Variants in JAM2 observed in about 807,000 individuals in gnomAD.
JAM2 encodes junctional adhesion molecule 2.
Under a neutral mutation model 42.0 loss-of-function variants are expected in JAM2, and 17 were observed. That is an observed-to-expected ratio of 0.40 (90% CI 0.28 to 0.61). The LOEUF (loss-of-function observed/expected upper bound fraction) is 0.61, where lower values mean the gene tolerates loss of function less well. Among genes scored for constraint, JAM2 ranks in the 20% least tolerant of loss-of-function variants. The pLI is 0.37. For synonymous variants in JAM2, 118 were observed against 128.6 expected, an observed-to-expected ratio of 0.92 and a Z score of 0.56; for missense variants, 319 against 358.3, an observed-to-expected ratio of 0.89 and a Z score of 0.89.
At chr21:25,708,953 A>G (rs978362381) in intron 7 of JAM2, among the ~76,000 whole-genome samples, 4 of 152,122 alleles carry the variant, frequency 2.6e-5, no homozygotes, top group African/African-American at 4.8e-5. Context: ...CTATCTGTGG[A>G]CCAAATCTGC....
At chr21:25,640,815 T>C (rs79345370) in intron 1 of JAM2, among the ~76,000 whole-genome samples, 16 of 151,414 alleles carry the variant, frequency 1.1e-4, no homozygotes, top group Non-Finnish European at 1.2e-4. Context: ...TCTTCTTTCT[T>C]TCTCTCTCTC....
chr21:25,694,699 T>A (rs1042896126), intron 4 of JAM2, among the ~76,000 whole-genome samples: 2 of 151,858 alleles, frequency 1.3e-5, no homozygotes, highest in African/African-American at 4.8e-5. Context: ...AAAAAGCCAT[T>A]TGTGTTGTTA....
intron 1 of JAM2, among the ~76,000 whole-genome samples, chr21:25,676,608 C>T (rs1405166844): frequency 6.6e-6 from 1 of 152,136 alleles, no homozygotes; most frequent in Non-Finnish European, 1.5e-5. Flanking sequence ...TGAACTTCTG[C>T]CAGTGCTTTT....
intron 1 of JAM2, among the ~76,000 whole-genome samples, chr21:25,675,171 A>G (rs2033454309): frequency 6.6e-6 from 1 of 152,014 alleles, no homozygotes; most frequent in Non-Finnish European, 1.5e-5. Flanking sequence ...ACATGGTGTG[A>G]GCTAGAGCAA....
chr21:25,668,233 A>C (rs1279699118), intron 1 of JAM2, among the ~76,000 whole-genome samples: 1 of 152,184 alleles, frequency 6.6e-6, no homozygotes, highest in African/African-American at 2.4e-5. Context: ...TTCCCCTTCT[A>C]CTCTGGGGAA....
chr21:25,646,301 T>G (rs2032609225), intron 1 of JAM2, among the ~76,000 whole-genome samples: 1 of 152,204 alleles, frequency 6.6e-6, no homozygotes, highest in South Asian at 2.1e-4. Flanking sequence ...AGGAAAAAAT[T>G]TTTTAATCAT....
chr21:25,708,020 T>C (rs2034307142), intron 7 of JAM2, among the ~76,000 whole-genome samples: 1 of 151,646 alleles, frequency 6.6e-6, no homozygotes, highest in Middle Eastern at 3.2e-3. Flanking sequence ...TAATTTTCTT[T>C]TATTTTTTGT....
At chr21:25,701,248 ATGAT>A in intron 5 of JAM2, among the ~76,000 whole-genome samples, 1 of 152,212 alleles carries the variant, frequency 6.6e-6, no homozygotes, top group Non-Finnish European at 1.5e-5. Context: ...AGAGTGACAG[ATGAT>A]TCCATAGAGT....
intron 1 of JAM2, among the ~76,000 whole-genome samples, chr21:25,676,026 G>T (rs1000293882): frequency 6.6e-6 from 1 of 152,018 alleles, no homozygotes; most frequent in Admixed American, 6.6e-5. Flanking sequence ...AGTGGCTCAC[G>T]TCTGTAATCC....
chr21:25,640,051 G>C (rs578042370), intron 1 of JAM2, among the ~76,000 whole-genome samples, 163 bp downstream of exon 1: 7 of 152,356 alleles, frequency 4.6e-5, no homozygotes, highest in African/African-American at 1.4e-4. Context: ...CAGGGTGCCC[G>C]CGAGCGGACG....
At chr21:25,662,824 C>T (rs2033123545) in intron 1 of JAM2, among the ~76,000 whole-genome samples, 1 of 152,130 alleles carries the variant, frequency 6.6e-6, no homozygotes, top group Non-Finnish European at 1.5e-5. Flanking sequence ...TTATAACAGA[C>T]ATTTAATTAC....
intron 7 of JAM2, among the ~76,000 whole-genome samples, chr21:25,708,565 C>CCAAA (rs899970110): frequency 3.3e-5 from 5 of 152,164 alleles, no homozygotes; most frequent in East Asian, 1.9e-4. Flanking sequence ...AAGACACTGA[C>CCAAA]CAAACAAACA....
chr21:25,685,069 C>T (rs2033719504), intron 2 of JAM2, among the ~76,000 whole-genome samples: 1 of 152,116 alleles, frequency 6.6e-6, no homozygotes, highest in African/African-American at 2.4e-5. Context: ...TCTGATCTCT[C>T]ATCATCAGGT....
At chr21:25,667,018 G>A (rs974360483) in intron 1 of JAM2, among the ~76,000 whole-genome samples, 7 of 151,858 alleles carry the variant, frequency 4.6e-5, no homozygotes, top group South Asian at 2.1e-4. Context: ...CTTTAATCCC[G>A]GGCAGTTATC....
rs1183988841 is a variant in JAM2 at position 25,715,336 on chromosome 21, T to G, written c.*664T>G. On this transcript the variant is annotated 3_prime_UTR_variant, in exon 10 of 10. Transcript: ENST00000480456. ...TGGTGTGTGTCACTGATTTCTTCAT[T>G]AAACGTAATTTAGATGGTCAAACAC... is the stretch of plus-strand genomic sequence containing the variant. 2 of 152,230 alleles carry G rather than the reference T, an allele frequency of 1.3e-5. No homozygotes were observed. Among genetic ancestry groups the G allele is most frequent in the African/African-American group, 4.8e-5 (2 of 41,462 alleles). 9.4% of individuals were successfully genotyped at this position (152,230 alleles called of 1,614,324 possible).
intron 7 of JAM2, among the ~76,000 whole-genome samples, chr21:25,706,370 T>C (rs2034271287): frequency 6.6e-6 from 1 of 152,072 alleles, no homozygotes; most frequent in African/African-American, 2.4e-5. Flanking sequence ...TTAGTACAGA[T>C]GGGGTTTCGC....
rs1411530259 is a variant in JAM2, at chr21:25,717,553, A to G, written c.*2881A>G. ...GCTTTGTTCGATTAAAGTCTACACT[A>G]ATAAAAATAGCTGAACTTGTTAAAC... On this transcript the variant is annotated 3_prime_UTR_variant, in exon 10 of 10. Transcript: ENST00000480456. The G allele has an allele frequency of 7.3e-7, 1 of 1,365,150 alleles. No homozygotes were observed. Among genetic ancestry groups the G allele is most frequent in the Non-Finnish European group, 9.6e-7 (1 of 1,039,856 alleles). 84.6% of individuals were successfully genotyped at this position (1,365,150 alleles called of 1,614,324 possible).
rs542353711 is a variant in JAM2, at chr21:25,648,771, G to A, written c.67+8883G>A. Among the ~76,000 whole-genome samples, 379 of 152,236 alleles carry A rather than the reference G, an allele frequency of 2.5e-3. 3 individuals carry two copies. Among genetic ancestry groups the A allele is most frequent in the Non-Finnish European group, 4.6e-3 (315 of 68,014 alleles). On this transcript the variant is annotated intron_variant, in intron 1 of 9. Transcript: ENST00000480456. ...CCATGTATATCTCTCTGTATTGTGA[G>A]CTTGCTGGAGGCAGAGACAACACAT...
At chr21:25,666,315 T>TTTA (rs35684752) in intron 1 of JAM2, among the ~76,000 whole-genome samples, 127 of 146,606 alleles carry the variant, frequency 8.7e-4, no homozygotes, top group East Asian at 3.0e-3. Flanking sequence ...TGTTACGGCT[T>TTTA]TTATTATTAT....
Sources: allele counts gnomAD v4.1 joint callset (sites outside exome capture counted in the v4.1 genomes callset), GRCh38; gene constraint gnomAD v4.1.1; transcripts MANE v1.5; gene names NCBI Gene and HGNC (gene_info 2026-07-23, HGNC 2026-07-21).